The following SYNE1 variants were observed in gnomAD, a reference collection of about 807,000 sequenced individuals.
SYNE1 encodes the protein spectrin repeat containing nuclear envelope protein 1.
SYNE1 carries 616 observed loss-of-function variants against 1,111.0 expected under a neutral mutation model. The observed-to-expected ratio is 0.55, with a 90% CI of 0.52 to 0.59. SYNE1 has a LOEUF of 0.59. SYNE1 is among the 20% of genes least tolerant of loss of function. The pLI is 0.00. For synonymous variants in SYNE1, 3,855 were observed against 3,825.8 expected, an observed-to-expected ratio of 1.01 and a Z score of -0.28; for missense variants, 10,006 against 10,417.0, an observed-to-expected ratio of 0.96 and a Z score of 1.72.
chr6:152,420,859 C>T (rs1247825181), intron 39 of SYNE1, among the ~76,000 whole-genome samples: 1 of 152,158 alleles, frequency 6.6e-6, no homozygotes, highest in East Asian at 1.9e-4. Flanking sequence ...AACTACACTT[C>T]TGTGAGCAAA....
rs146366996 is a variant in SYNE1 at position 152,484,879 on chromosome 6, C to T, written c.1141G>A (p.Asp381Asn). Reference protein sequence around the residue: ...PLHRDGKLSLDQALVKQSWDR... With the variant: ...PLHRDGKLSLNQALVKQSWDR... ...CAAGATTGTTTTACCAATGCTTGGT[C>T]AAGTGACAATTTACCGTCTCTGTGT... The change falls in exon 13 of 146, where the codon GAC becomes AAC. Residue 381 changes from aspartate (D) to asparagine (N), a missense_variant. This residue lies in a region of SYNE1 where 1,971 missense variants were observed against 2,084.1 expected (regional missense o/e 0.95). Transcript: ENST00000367255. 1.7e-3 allele frequency: 2,785 copies of T among 1,613,880 alleles called. 4 individuals carry two copies. The highest frequency in any genetic ancestry group is 3.8e-3 in the Admixed American group (229 of 60,008).
intron 3 of SYNE1, among the ~76,000 whole-genome samples, chr6:152,614,958 G>T (rs1744392): frequency 0.72 from 108,649 of 151,828 alleles, 38,971 homozygotes; most frequent in East Asian, 0.81. Flanking sequence ...CGGGGGCAGG[G>T]GAGAACATCA....
In SYNE1 at chr6:152,494,031, A is replaced by G. The variant is rs186720650; in HGVS notation, c.939+4711T>C. 5.0e-3 allele frequency among the ~76,000 whole-genome samples: 766 copies of G among 152,290 alleles called. 8 individuals are homozygous for G. The highest frequency in any genetic ancestry group is 0.017 in the African/African-American group (704 of 41,558). ...CCAAAGTACAGGACTGTGCAGTCAG[A>G]ATTCTTACACAAGAGCCGGGACTGC... is the stretch of plus-strand genomic sequence containing the variant. On this transcript the variant is annotated intron_variant, in intron 11 of 145. Coordinates refer to ENST00000367255, the MANE Select transcript of SYNE1 (RefSeq NM_182961.4).
chr6:152,599,574 A>G (rs1183784703), intron 3 of SYNE1, among the ~76,000 whole-genome samples: 1 of 152,188 alleles, frequency 6.6e-6, no homozygotes, highest in Non-Finnish European at 1.5e-5. Context: ...ATAAACATGG[A>G]TAAATTGTGA....
chr6:152,449,280 C>T (rs1464627785), intron 28 of SYNE1, among the ~76,000 whole-genome samples: 1 of 152,146 alleles, frequency 6.6e-6, no homozygotes, highest in African/African-American at 2.4e-5. Flanking sequence ...TGCAATTTTC[C>T]ACTCAGGACT....
chr6:152,156,488 G>A (rs1298272341), intron 131 of SYNE1, among the ~76,000 whole-genome samples: 2 of 152,062 alleles, frequency 1.3e-5, no homozygotes, highest in African/African-American at 4.8e-5. Flanking sequence ...CCTTCCCTCG[G>A]ACACCAAAAC....
intron 5 of SYNE1, among the ~76,000 whole-genome samples, chr6:152,522,337 C>T (rs556685565): frequency 1.3e-5 from 2 of 152,190 alleles, no homozygotes; most frequent in African/African-American, 2.4e-5. Flanking sequence ...AATTACTTCG[C>T]TTAGAATAAT....
Position 152,330,524 on chromosome 6 carries a change from C to G in SYNE1, c.14161G>C (p.Asp4721His). 1 of 1,614,126 alleles carries G rather than the reference C, an allele frequency of 6.2e-7. No individual in the cohort carries two copies. The change falls in exon 78 of 146, where the codon GAC becomes CAC. Residue 4721 changes from aspartate to histidine, a missense_variant. Physicochemically the swap from Asp to His is moderately conservative, Grantham distance 81. This residue lies in a region of SYNE1 where 4,955 missense variants were observed against 5,017.2 expected (regional missense o/e 0.99). Transcript: ENST00000367255. Reference sequence around the variant, plus strand: ...GCCTCCCCAAGGCCCGCCACCTCGTCCAGAATGGCTCTGCAACCATCTTGC... The same window carrying G: ...GCCTCCCCAAGGCCCGCCACCTCGTGCAGAATGGCTCTGCAACCATCTTGC... ...SLQDGCRAIL[D>H]EVAGLGEAVD...
At chr6:152,464,511 T>C (rs1241073309) in intron 18 of SYNE1, among the ~76,000 whole-genome samples, 1 of 152,170 alleles carries the variant, frequency 6.6e-6, no homozygotes, top group African/African-American at 2.4e-5. Flanking sequence ...ACATGAAATA[T>C]GGAATGGTAA....
rs761309442 is a variant in SYNE1, at chr6:152,325,217, T to C, written c.15524A>G (p.Asp5175Gly). 4 of 1,614,080 alleles carry C rather than the reference T, an allele frequency of 2.5e-6. No individual in the cohort carries two copies. The highest frequency in any genetic ancestry group is 1.7e-6 in the Non-Finnish European group (2 of 1,180,052). Residue 5175 changes from aspartate to glycine, a missense_variant, in exon 81 of 146, where the codon GAT (aspartate) becomes GGT (glycine). By Grantham distance (94) the Asp-to-Gly change is moderately conservative (BLOSUM62 -1). Coordinates refer to ENST00000367255, the MANE Select transcript of SYNE1 (RefSeq NM_182961.4). ...CCTGCTCAGGGTGGCTTTGCTGGCA[T>C]CATTTCCGGTTTTCTCCAGTTGTGA... ...KASQLEKTGN[D>G]ASKATLSRSM...
intron 8 of SYNE1, among the ~76,000 whole-genome samples, chr6:152,509,124 T>G (rs754988087): frequency 9.2e-5 from 14 of 152,132 alleles, no homozygotes; most frequent in Non-Finnish European, 1.5e-4. Flanking sequence ...AAGCATACTC[T>G]ACATGAAAGG....
intron 99 of SYNE1, among the ~76,000 whole-genome samples, chr6:152,268,381 T>TG (rs1562645121): frequency 1.3e-5 from 1 of 79,514 alleles, no homozygotes; most frequent in African/African-American, 5.5e-5. Flanking sequence ...CTGAAAAATC[T>TG]GGGGGTTAAA....
chr6:152,419,082 T>C (rs1411341912), intron 40 of SYNE1, among the ~76,000 whole-genome samples: 1 of 152,224 alleles, frequency 6.6e-6, no homozygotes, highest in African/African-American at 2.4e-5. Flanking sequence ...TGTCAGTTCA[T>C]TTCATAGACT....
In SYNE1 at chr6:152,148,110, G is replaced by A. The variant is rs763570708; in HGVS notation, c.24911C>T (p.Pro8304Leu). 3 of 1,614,058 alleles carry A rather than the reference G, an allele frequency of 1.9e-6. No homozygotes were observed. The African/African-American group carries it at 4.0e-5, about 22-fold the overall frequency. Reference sequence around the variant, plus strand: ...ATCCTGACCTTCTTCATCCTCAGAGGGCAGAGCTCTGGACATTGCAGACTC... The same window carrying A: ...ATCCTGACCTTCTTCATCCTCAGAGAGCAGAGCTCTGGACATTGCAGACTC... ...DLESAMSRAL[P>L]SEDEEGQDDK... The change falls in exon 137 of 146, where the codon CCC becomes CTC. Residue 8304 changes from proline to leucine, a missense_variant. Coordinates refer to ENST00000367255, the MANE Select transcript of SYNE1 (RefSeq NM_182961.4). The surrounding 1 kb of genome is among the most constrained non-coding windows in gnomAD (Gnocchi z 4.1).
chr6:152,242,668 T>C (rs1456038424), intron 106 of SYNE1, among the ~76,000 whole-genome samples: 7 of 152,170 alleles, frequency 4.6e-5, no homozygotes, highest in Non-Finnish European at 1.0e-4. Flanking sequence ...TTCTCATGCC[T>C]ATGATATTCG....
In SYNE1 at chr6:152,141,221, T is replaced by A; in HGVS notation, c.25228A>T (p.Thr8410Ser). 6.2e-7 allele frequency: 1 copy of A among 1,614,182 alleles called. No individual in the cohort carries two copies. The highest frequency in any genetic ancestry group is 8.5e-7 in the Non-Finnish European group (1 of 1,180,020). Reference sequence around the variant, plus strand: ...CACTCACCAGCCGTTTGGGTTTCGGTACTATGCAGGTTAACAAAGCCAGGA... The same window carrying A: ...CACTCACCAGCCGTTTGGGTTTCGGAACTATGCAGGTTAACAAAGCCAGGA... ...SLPGFVNLHS[T>S]ETQTAGVIDR... The change falls in exon 139 of 146, where the codon ACC (threonine) becomes TCC (serine). Residue 8410 changes from threonine to serine, a missense_variant. Coordinates refer to ENST00000367255, the MANE Select transcript of SYNE1 (RefSeq NM_182961.4).
chr6:152,628,409 C>T lies in SYNE1; in HGVS notation c.-78G>A, dbSNP rs767595211. ...CACAGGGCTACACCACTCTAGAAAA[C>T]ATGCTTGGACTTTTCTAGATCTATT... On this transcript the variant is annotated 5_prime_UTR_variant, in exon 3 of 146. The change abolishes an upstream ATG in the 5' untranslated region. Coordinates refer to ENST00000367255, the MANE Select transcript of SYNE1 (RefSeq NM_182961.4). The T allele has an allele frequency of 7.2e-7, 1 of 1,392,430 alleles. No individual in the cohort carries two copies. Among genetic ancestry groups the T allele is most frequent in the African/African-American group, 1.4e-5 (1 of 70,610 alleles). 86.3% of individuals were successfully genotyped at this position (1,392,430 alleles called of 1,614,324 possible).
At chr6:152,124,106 T>C (rs2052467129) in intron 145 of SYNE1, among the ~76,000 whole-genome samples, 1 of 152,166 alleles carries the variant, frequency 6.6e-6, no homozygotes, top group Non-Finnish European at 1.5e-5. Context: ...GGCGGATCAC[T>C]TGAGGCCAGG....
intron 59 of SYNE1, 46 bp from the exon 60 acceptor site, chr6:152,369,660 G>A (rs533863001): frequency 1.1e-5 from 18 of 1,608,594 alleles, no homozygotes; most frequent in Non-Finnish European, 1.5e-5. Flanking sequence ...TATTTTAATA[G>A]CAAGTCCAAG....
Sources: allele counts gnomAD v4.1 joint callset (sites outside exome capture counted in the v4.1 genomes callset), GRCh38; gene constraint gnomAD v4.1.1; regional missense constraint gnomAD v4.1.1; non-coding constraint Gnocchi (gnomAD v3.1); transcripts MANE v1.5; gene names NCBI Gene and HGNC (gene_info 2026-07-23, HGNC 2026-07-21).